Variants in MPP4 observed in about 807,000 individuals in gnomAD.
MPP4 encodes MAGUK p55 scaffold protein 4, also known as MAGUK p55 subfamily member 4.
Under a neutral mutation model 98.3 loss-of-function variants are expected in MPP4, and 91 were observed. The observed-to-expected ratio is 0.93, with a 90% CI of 0.78 to 1.10. MPP4 has a LOEUF of 1.10. Ranked by LOEUF, MPP4 falls within the 50% of genes least tolerant of loss-of-function variation. The pLI is 0.00. For synonymous variants in MPP4, 261 were observed against 271.8 expected (o/e 0.96, Z 0.39); for missense variants, 744 against 792.9 (o/e 0.94, Z 0.74).
chr2:201,685,970 C>G lies in MPP4; in HGVS notation c.441G>C (p.Glu147Asp), dbSNP rs1164828533. ...AAACAATCCTCATTGCTTCCTCACTCTCAGGGATATTGTCTGGCAGTGGAG... is the reference window on the plus strand; with the variant it reads ...AAACAATCCTCATTGCTTCCTCACTGTCAGGGATATTGTCTGGCAGTGGAG... ...LLPPLPDNIP[E>D]SEEAMRIVCL... The change falls in exon 6 of 22, where the codon GAG becomes GAC. Residue 147 changes from glutamate (E) to aspartate (D), a missense_variant. Transcript: ENST00000409474. 4 of 1,612,834 alleles carry G rather than the reference C, an allele frequency of 2.5e-6. No homozygotes were observed. The highest frequency in any genetic ancestry group is 3.4e-6 in the Non-Finnish European group (4 of 1,179,056).
In MPP4 at chr2:201,693,859, G is replaced by T. The variant is rs765466320; in HGVS notation, c.79+17C>A. On this transcript the variant is annotated intron_variant, in intron 2 of 21. Transcript: ENST00000409474. ...TATTACTTTCTGGTCTAGAAAAGGA[G>T]TCCTGGTGACACATACCATTCTGTG... 3 of 1,613,854 alleles carry T rather than the reference G, an allele frequency of 1.9e-6. No homozygotes were observed. The African/African-American group carries it at 4.0e-5, about 22-fold the overall frequency.
intron 10 of MPP4, among the ~76,000 whole-genome samples, chr2:201,678,481 C>T (rs1321179812): frequency 1.3e-5 from 2 of 152,170 alleles, no homozygotes; most frequent in Non-Finnish European, 2.9e-5. Flanking sequence ...GTCTGCTTCT[C>T]CTGCAGCCTT....
intron 12 of MPP4, among the ~76,000 whole-genome samples, chr2:201,669,101 T>G (rs1688264751): frequency 1.4e-5 from 1 of 74,006 alleles, no homozygotes; most frequent in Non-Finnish European, 3.4e-5. Context: ...TGTGTGTGTG[T>G]GTGTGTGTGT....
At chr2:201,673,142 A>G (rs1262190782) in intron 11 of MPP4, among the ~76,000 whole-genome samples, 1 of 152,232 alleles carries the variant, frequency 6.6e-6, no homozygotes, top group Non-Finnish European at 1.5e-5. Context: ...ATACATGCAG[A>G]AAAGGCCTTT....
chr2:201,662,517 A>AT lies in MPP4; in HGVS notation c.1072+1563_1072+1564insA, dbSNP rs1326172670. ...CTCTGTCTCAAAAAAAAAAAAAAAAAAAAGTATATATATCAAAATATAAAT... is the reference window on the plus strand; with the variant it reads ...CTCTGTCTCAAAAAAAAAAAAAAAAATAAAGTATATATATCAAAATATAAAT... On this transcript the variant is annotated intron_variant, in intron 14 of 21. Transcript: ENST00000409474. Among the ~76,000 whole-genome samples the AT allele has an allele frequency of 2.0e-5, 3 of 149,172 alleles. No homozygotes were observed. In the East Asian group the frequency reaches 5.8e-4, roughly 29 times the overall value.
intron 16 of MPP4, among the ~76,000 whole-genome samples, chr2:201,657,590 G>GTTTTTTT (rs929926346): frequency 0.02 from 1,845 of 90,544 alleles, 334 homozygotes; most frequent in East Asian, 0.039. Context: ...CCTGGCCCTT[G>GTTTTTTT]TTTTTTTTTT....
chr2:201,691,113 T>G (rs1340536759), intron 3 of MPP4, among the ~76,000 whole-genome samples: 4 of 152,190 alleles, frequency 2.6e-5, no homozygotes, highest in Non-Finnish European at 5.9e-5. Context: ...ATTGGATAAC[T>G]CACCAAGGGC....
chr2:201,646,472 C>CACAAAT (rs112212386), intron 21 of MPP4, among the ~76,000 whole-genome samples: 2,163 of 152,232 alleles, frequency 0.014, 24 homozygotes, highest in East Asian at 0.043. Context: ...CAATCTGAAA[C>CACAAAT]ACAAATGCAG....
At chr2:201,693,444 C>T (rs977311698) in intron 2 of MPP4, among the ~76,000 whole-genome samples, 5 of 152,190 alleles carry the variant, frequency 3.3e-5, no homozygotes, top group Admixed American at 3.3e-4. Flanking sequence ...GTCATTTCAT[C>T]CTCTCAAAAA....
Position 201,656,201 on chromosome 2 carries a change from TG to T in MPP4, c.1296del (p.Met433TrpfsTer8). The T allele has an allele frequency of 6.2e-7, 1 of 1,602,504 alleles. No homozygotes were observed. The highest frequency in any genetic ancestry group is 2.2e-5 in the East Asian group (1 of 44,572). ...GACAGTGCATGCTGGGACATACCCA[TG>T]AGCACTATGAGGCGGTACTTGTCTG... Reference protein sequence around the residue: ...RPSDKYRLIVLMGPSGVGVNE... With the variant: ...RPSDKYRLIVXMGPSGVGVNE... On this transcript the variant is annotated frameshift_variant, in exon 17 of 22. Coordinates refer to ENST00000409474, the MANE Select transcript of MPP4 (RefSeq NM_033066.3). LOFTEE classifies it high-confidence loss of function.
At chr2:201,655,119 T>C (rs1687816365) in intron 17 of MPP4, among the ~76,000 whole-genome samples, 1 of 152,218 alleles carries the variant, frequency 6.6e-6, no homozygotes, top group African/African-American at 2.4e-5. Context: ...GTAATCCACA[T>C]TGTTTCAACA....
intron 14 of MPP4, 66 bp downstream of exon 14, chr2:201,664,015 A>G (rs1279229567): frequency 3.7e-5 from 46 of 1,238,146 alleles, no homozygotes; most frequent in Non-Finnish European, 4.8e-5. Context: ...AAATATGTGT[A>G]TAAATTGCAT....
At chr2:201,693,510 G>C (rs1248797285) in intron 2 of MPP4, among the ~76,000 whole-genome samples, 1 of 152,230 alleles carries the variant, frequency 6.6e-6, no homozygotes, top group South Asian at 2.1e-4. Context: ...TTAATGCAAA[G>C]CTCAGTATTC....
intron 10 of MPP4, among the ~76,000 whole-genome samples, chr2:201,676,158 T>C (rs761100797): frequency 1.3e-5 from 2 of 152,190 alleles, no homozygotes; most frequent in African/African-American, 2.4e-5. Flanking sequence ...CTGCCTCCAA[T>C]TCCCTGGAGA....
chr2:201,674,839 G>A (rs1223115969), intron 11 of MPP4, among the ~76,000 whole-genome samples: 4 of 152,034 alleles, frequency 2.6e-5, no homozygotes, highest in African/African-American at 7.3e-5. Flanking sequence ...TTGGCCTTTT[G>A]TGACATCTTT....
chr2:201,675,971 G>A (rs1688497254), intron 10 of MPP4, among the ~76,000 whole-genome samples: 1 of 152,164 alleles, frequency 6.6e-6, no homozygotes, highest in Admixed American at 6.5e-5. Flanking sequence ...GAGCTTGTGA[G>A]GACTGCAGAA....
At position 201,664,001 on chromosome 2, in the gene MPP4, T is replaced by C. The variant is rs559071410; in HGVS notation, c.1072+80A>G. 5.4e-5 allele frequency: 57 copies of C among 1,054,184 alleles called. No homozygotes were observed. The African/African-American group carries it at 9.0e-4, about 17-fold the overall frequency. The allele number at this position is 1,054,184 out of a possible 1,614,324, so 65.3% of individuals were successfully genotyped here. A position where few individuals can be genotyped will look rare whatever the true frequency, so the allele number is the denominator to read the frequency against. On this transcript the variant is annotated intron_variant, in intron 14 of 21. Transcript: ENST00000409474. The stretch of plus-strand genomic sequence containing the variant: ...TAATGTTGATATATTTAAACAGTTA[T>C]TATAAATATGTGTATAAATTGCATC...
intron 8 of MPP4, 86 bp downstream of exon 8, chr2:201,682,737 GGTACATCC>G: frequency 9.6e-7 from 1 of 1,047,044 alleles, no homozygotes; most frequent in East Asian, 2.5e-5. Flanking sequence ...TTGAGTCCCC[GGTACATCC>G]CAGTGCACAC....
Position 201,647,810 on chromosome 2 carries a change from G to A in MPP4, c.1600C>T (p.Arg534Ter), listed in dbSNP as rs369650968. 2.0e-5 allele frequency: 32 copies of A among 1,612,100 alleles called. No homozygotes were observed. Among genetic ancestry groups the A allele is most frequent in the South Asian group, 4.4e-5 (4 of 90,864 alleles). ...DLEPQDIQGV[R>*]THELKPYVIF... ...ACATAGGGCTTCAGTTCATGGGTTC[G>A]AACCCCTTGAATATCCTACACAGAA... Residue 534 changes from arginine (R) to a stop codon, truncating the protein, a stop_gained, in exon 21 of 22, where the codon CGA becomes TGA. Transcript: ENST00000409474. LOFTEE classifies it high-confidence loss of function.
Sources: allele counts gnomAD v4.1 joint callset (sites outside exome capture counted in the v4.1 genomes callset), GRCh38; gene constraint gnomAD v4.1.1; transcripts MANE v1.5; gene names NCBI Gene and HGNC (gene_info 2026-07-23, HGNC 2026-07-21).